The following NPAS3 variants were observed in gnomAD, a reference collection of about 807,000 sequenced individuals.
The protein encoded by NPAS3 is neuronal PAS domain protein 3.
Under a neutral mutation model 73.1 loss-of-function variants are expected in NPAS3, and 14 were observed. That is an observed-to-expected ratio of 0.19 (90% CI 0.13 to 0.30). The LOEUF is 0.30. NPAS3 is among the 10% of genes least tolerant of loss of function. NPAS3 has a pLI of 1.00. For missense variants in NPAS3, 1,096 were observed against 1,250.0 expected, an observed-to-expected ratio of 0.88 and a Z score of 1.86; for synonymous variants, 620 against 541.5, an observed-to-expected ratio of 1.14 and a Z score of -2.01.
chr14:33,074,747 G>A (rs536359538), intron 2 of NPAS3, among the ~76,000 whole-genome samples: 2 of 152,266 alleles, frequency 1.3e-5, no homozygotes, highest in African/African-American at 2.4e-5. Context: ...AGATCCCATC[G>A]CTACATGGGA....
chr14:33,231,493 T>A (rs763623449), intron 3 of NPAS3, among the ~76,000 whole-genome samples: 4 of 152,178 alleles, frequency 2.6e-5, no homozygotes, highest in Non-Finnish European at 5.9e-5. Flanking sequence ...CAGGTATGAC[T>A]TTTTGGTTTA....
intron 2 of NPAS3, among the ~76,000 whole-genome samples, chr14:33,210,137 C>T (rs991493596): frequency 2.6e-5 from 4 of 151,920 alleles, no homozygotes; most frequent in African/African-American, 7.3e-5. Context: ...AGTGGGGAAC[C>T]GAAGTAATCA....
At position 33,221,468 on chromosome 14, in the gene NPAS3, A is replaced by G. The variant is rs564389548; in HGVS notation, c.385+6042A>G. On this transcript the variant is annotated intron_variant, in intron 3 of 11. Transcript: ENST00000356141. ...TTTATCTGTAGTTTTTGTTTGCCCA[A>G]AAGCAGAAGTGGGCTCGGCATGGTG... is the stretch of plus-strand genomic sequence containing the variant. Among the ~76,000 whole-genome samples the G allele has an allele frequency of 2.0e-5, 3 of 152,246 alleles. No individual in the cohort carries two copies. In the East Asian group the frequency reaches 5.8e-4, roughly 30 times the overall value.
At chr14:33,453,197 A>G (rs1026935693) in intron 4 of NPAS3, among the ~76,000 whole-genome samples, 10 of 152,164 alleles carry the variant, frequency 6.6e-5, no homozygotes, top group African/African-American at 2.4e-4. Context: ...TCCCATGTTC[A>G]TCTCAGCCAG....
At chr14:33,650,187 G>A (rs1024710660) in intron 5 of NPAS3, among the ~76,000 whole-genome samples, 8 of 152,172 alleles carry the variant, frequency 5.3e-5, no homozygotes, top group Non-Finnish European at 1.0e-4. Context: ...AAAATCTTGC[G>A]CATTGTAACA....
At chr14:33,388,802 A>G (rs2046881213) in intron 4 of NPAS3, among the ~76,000 whole-genome samples, 1 of 152,212 alleles carries the variant, frequency 6.6e-6, no homozygotes, top group Admixed American at 6.5e-5. Context: ...TGTTCCCGAT[A>G]CTGCTTCATG....
At chr14:33,416,331 G>A (rs112164989) in intron 4 of NPAS3, among the ~76,000 whole-genome samples, 12 of 152,120 alleles carry the variant, frequency 7.9e-5, no homozygotes, top group Middle Eastern at 3.4e-3. Flanking sequence ...GGACAGAGGC[G>A]GGGCACTAGA....
intron 4 of NPAS3, among the ~76,000 whole-genome samples, chr14:33,427,894 C>T (rs1001100559): frequency 6.6e-6 from 1 of 151,908 alleles, no homozygotes; most frequent in African/African-American, 2.4e-5. Flanking sequence ...GTAGTGGAGA[C>T]CATCATTTCC....
chr14:33,476,369 A>G (rs997013342), intron 4 of NPAS3, among the ~76,000 whole-genome samples: 1 of 152,174 alleles, frequency 6.6e-6, no homozygotes, highest in Admixed American at 6.5e-5. Context: ...CCTTTCCTCA[A>G]TGACTACTTG....
At chr14:33,177,429 T>C (rs575578919) in intron 2 of NPAS3, among the ~76,000 whole-genome samples, 10 of 152,244 alleles carry the variant, frequency 6.6e-5, no homozygotes, top group African/African-American at 2.4e-4. Context: ...TTATCTAATA[T>C]GTGATTTGCA....
intron 2 of NPAS3, among the ~76,000 whole-genome samples, chr14:33,199,895 C>T (rs748201117): frequency 4.6e-5 from 7 of 152,076 alleles, no homozygotes; most frequent in Non-Finnish European, 8.8e-5. Flanking sequence ...TCTTTCAACA[C>T]GTACTTATCG....
At chr14:33,088,805 C>T (rs752688334) in intron 2 of NPAS3, among the ~76,000 whole-genome samples, 40 of 152,266 alleles carry the variant, frequency 2.6e-4, no homozygotes, top group Admixed American at 7.8e-4. Flanking sequence ...CTCACATGGC[C>T]GGTTACCCCT....
At chr14:33,341,418 T>G (rs2044473006) in intron 3 of NPAS3, among the ~76,000 whole-genome samples, 1 of 152,222 alleles carries the variant, frequency 6.6e-6, no homozygotes, top group Non-Finnish European at 1.5e-5. Context: ...GTCCTGGACA[T>G]GACTTTATGG....
At chr14:33,061,868 A>C (rs761388537) in intron 2 of NPAS3, among the ~76,000 whole-genome samples, 6 of 152,200 alleles carry the variant, frequency 3.9e-5, no homozygotes, top group Non-Finnish European at 5.9e-5. Context: ...AAGCAGCACC[A>C]CAGAGGGGCC....
Position 33,167,276 on chromosome 14 carries a change from G to A in NPAS3, c.141-47906G>A, listed in dbSNP as rs554021170. ...GGAGTTCTATAAACTCTCTCAAAGTGTATGCAAAAATTTATTTTGAGGACA... is the reference window on the plus strand; with the variant it reads ...GGAGTTCTATAAACTCTCTCAAAGTATATGCAAAAATTTATTTTGAGGACA... On this transcript the variant is annotated intron_variant, in intron 2 of 11. Transcript: ENST00000356141. 2.0e-5 allele frequency among the ~76,000 whole-genome samples: 3 copies of A among 152,276 alleles called. No individual in the cohort carries two copies. In the South Asian group the frequency reaches 6.2e-4, roughly 32 times the overall value.
intron 3 of NPAS3, among the ~76,000 whole-genome samples, chr14:33,243,881 A>G (rs1319011274): frequency 6.6e-6 from 1 of 152,146 alleles, no homozygotes; most frequent in Non-Finnish European, 1.5e-5. Flanking sequence ...ATTTAGTGTC[A>G]GTATTAGTCT....
At chr14:33,595,917 G>T (rs145643606) in intron 5 of NPAS3, among the ~76,000 whole-genome samples, 3 of 152,090 alleles carry the variant, frequency 2.0e-5, no homozygotes, top group Non-Finnish European at 4.4e-5. Context: ...TGATCCGACC[G>T]CCTAGGCCTC....
At chr14:33,155,193 A>G (rs1232721507) in intron 2 of NPAS3, among the ~76,000 whole-genome samples, 1 of 152,210 alleles carries the variant, frequency 6.6e-6, no homozygotes, top group Non-Finnish European at 1.5e-5. Flanking sequence ...ATAATCTGAC[A>G]TCTGTAGGTG....
At chr14:33,428,291 G>T (rs2048637621) in intron 4 of NPAS3, among the ~76,000 whole-genome samples, 1 of 152,006 alleles carries the variant, frequency 6.6e-6, no homozygotes, top group Non-Finnish European at 1.5e-5. Context: ...TGTACAATGA[G>T]AATACTTATA....
Sources: allele counts gnomAD v4.1 joint callset (sites outside exome capture counted in the v4.1 genomes callset), GRCh38; gene constraint gnomAD v4.1.1; transcripts MANE v1.5; gene names NCBI Gene and HGNC (gene_info 2026-07-23, HGNC 2026-07-21).